SUCLG2: variants seen among roughly 807,000 people sequenced by gnomAD.
The protein encoded by SUCLG2 is succinate-CoA ligase GDP-forming subunit beta, also known as succinate--CoA ligase [GDP-forming] subunit beta, mitochondrial.
In SUCLG2, 42 loss-of-function variants were observed where a neutral mutation model predicts 47.9. That is an observed-to-expected ratio of 0.88 (90% CI 0.69 to 1.14). The LOEUF is 1.14. SUCLG2 is among the 50% of genes most tolerant of loss of function. The pLI, the probability that SUCLG2 is intolerant of heterozygous loss-of-function variation, is 0.00. For missense variants in SUCLG2, 571 were observed against 525.9 expected (o/e 1.09, Z -0.84); for synonymous variants, 195 against 197.3 (o/e 0.99, Z 0.10).
At chr3:67,491,957 C>A (rs1402499892) in intron 9 of SUCLG2, among the ~76,000 whole-genome samples, 1 of 152,152 alleles carries the variant, frequency 6.6e-6, no homozygotes, top group South Asian at 2.1e-4. Context: ...CAAGGTCCCA[C>A]AACCAGTAAC....
At chr3:67,431,624 A>G (rs888688405) in intron 9 of SUCLG2, among the ~76,000 whole-genome samples, 3 of 152,126 alleles carry the variant, frequency 2.0e-5, no homozygotes, top group African/African-American at 7.2e-5. Flanking sequence ...CATTCTCAGC[A>G]AACTATCACA....
chr3:67,395,961 T>C (rs1020259353), intron 10 of SUCLG2, among the ~76,000 whole-genome samples: 4 of 152,178 alleles, frequency 2.6e-5, no homozygotes, highest in Non-Finnish European at 4.4e-5. Context: ...TAAAGATGTT[T>C]TTTGAAACCA....
chr3:67,587,318 A>ACCTGGCCT lies in SUCLG2; in HGVS notation c.226+22136_226+22137insAGGCCAGG, dbSNP rs371633305. The stretch of plus-strand genomic sequence containing the variant: ...GTTTCTAGCCGTCTGATCTACCTGG[A>ACCTGGCCT]GACAAACAAGGCCAAGCTGGCTTGC... On this transcript the variant is annotated intron_variant, in intron 2 of 10. Transcript: ENST00000307227. Among the ~76,000 whole-genome samples, 263 of 152,334 alleles carry ACCTGGCCT rather than the reference A, an allele frequency of 1.7e-3. 2 individuals are homozygous for ACCTGGCCT. In the East Asian group the frequency reaches 0.036, roughly 21 times the overall value.
intron 9 of SUCLG2, among the ~76,000 whole-genome samples, chr3:67,479,380 T>C (rs540508806): frequency 1.3e-5 from 2 of 152,166 alleles, no homozygotes; most frequent in East Asian, 3.9e-4. Context: ...GAGGAAAAAC[T>C]CAGCAAAGAC....
chr3:67,468,136 G>T (rs183074643), intron 9 of SUCLG2, among the ~76,000 whole-genome samples: 3 of 152,090 alleles, frequency 2.0e-5, no homozygotes, highest in African/African-American at 7.2e-5. Context: ...CAAAAAAATC[G>T]AACTCACTCA....
intron 1 of SUCLG2, among the ~76,000 whole-genome samples, chr3:67,620,722 T>C (rs1481014434): frequency 1.3e-5 from 2 of 150,698 alleles, no homozygotes; most frequent in Admixed American, 6.6e-5. Context: ...AGAAAAGAGG[T>C]ATACCTGTGA....
intron 9 of SUCLG2, among the ~76,000 whole-genome samples, chr3:67,447,274 A>G (rs193159620): frequency 1.3e-5 from 2 of 152,360 alleles, no homozygotes; most frequent in East Asian, 3.9e-4. Flanking sequence ...ATTGACTATA[A>G]AGTTGAACCC....
At chr3:67,414,988 G>C (rs1055220438) in intron 9 of SUCLG2, among the ~76,000 whole-genome samples, 42 of 152,248 alleles carry the variant, frequency 2.8e-4, no homozygotes, top group African/African-American at 9.6e-4. Flanking sequence ...GAGAAGCTGT[G>C]ACTACAGGCA....
intron 9 of SUCLG2, among the ~76,000 whole-genome samples, chr3:67,470,597 C>T (rs1308170462): frequency 1.3e-5 from 2 of 152,140 alleles, no homozygotes; most frequent in African/African-American, 2.4e-5. Context: ...ATAAGTTCAG[C>T]CCCCATTTTC....
chr3:67,536,229 C>A (rs1001283987), intron 2 of SUCLG2, among the ~76,000 whole-genome samples: 1 of 152,168 alleles, frequency 6.6e-6, no homozygotes, highest in African/African-American at 2.4e-5. Context: ...TTGGAATGAC[C>A]ATGAAATTTA....
intron 2 of SUCLG2, among the ~76,000 whole-genome samples, chr3:67,587,955 C>G (rs778857870): frequency 1.3e-5 from 2 of 152,144 alleles, no homozygotes; most frequent in Admixed American, 1.3e-4. Context: ...CTAAAACAAA[C>G]CACTTAAAAT....
At chr3:67,651,448 A>G (rs1175209896) in intron 1 of SUCLG2, among the ~76,000 whole-genome samples, 2 of 152,226 alleles carry the variant, frequency 1.3e-5, no homozygotes, top group Admixed American at 1.3e-4. Context: ...TTCATCGCTC[A>G]GGTCTCAGCT....
intron 9 of SUCLG2, among the ~76,000 whole-genome samples, chr3:67,475,833 C>A (rs1704736414): frequency 1.3e-5 from 2 of 151,906 alleles, no homozygotes; most frequent in Non-Finnish European, 1.5e-5. Context: ...GGATTACAGT[C>A]ATCAGCCACC....
At chr3:67,398,361 G>A (rs1002011343) in intron 10 of SUCLG2, among the ~76,000 whole-genome samples, 3 of 151,130 alleles carry the variant, frequency 2.0e-5, no homozygotes, top group African/African-American at 7.3e-5. Context: ...GTGGGTAAAG[G>A]ACATGAACAG....
chr3:67,425,921 T>C (rs984887157), intron 9 of SUCLG2, among the ~76,000 whole-genome samples: 1 of 152,186 alleles, frequency 6.6e-6, no homozygotes, highest in Non-Finnish European at 1.5e-5. Context: ...ACTTGTAAAA[T>C]ATTACTATAA....
rs1702011379 is a variant in SUCLG2 at position 67,375,215 on chromosome 3, C to G, written c.*529G>C. The G allele has an allele frequency of 3.0e-6, 3 of 985,572 alleles. No individual in the cohort carries two copies. Among genetic ancestry groups the G allele is most frequent in the Non-Finnish European group, 3.6e-6 (3 of 829,894 alleles). The allele number at this position is 985,572 out of a possible 1,614,324, so 61.1% of individuals were successfully genotyped here. Reference sequence around the variant, plus strand: ...TCAAACATATGTTAGAATTAGAAACCTGTAAAATCTGCAGTAGTGTGTAAT... The same window carrying G: ...TCAAACATATGTTAGAATTAGAAACGTGTAAAATCTGCAGTAGTGTGTAAT... On this transcript the variant is annotated 3_prime_UTR_variant, in exon 11 of 11. Transcript: ENST00000307227.
At chr3:67,512,643 AC>A (rs1575745820) in intron 6 of SUCLG2, among the ~76,000 whole-genome samples, 1 of 151,194 alleles carries the variant, frequency 6.6e-6, no homozygotes, top group East Asian at 1.9e-4. Flanking sequence ...AATATACAAA[AC>A]ATAAAATTCA....
chr3:67,422,769 T>C (rs1413274944), intron 9 of SUCLG2, among the ~76,000 whole-genome samples: 1 of 152,140 alleles, frequency 6.6e-6, no homozygotes, highest in Non-Finnish European at 1.5e-5. Context: ...CTGTGGACTT[T>C]TTATTGTCTG....
intron 9 of SUCLG2, among the ~76,000 whole-genome samples, chr3:67,403,095 C>T (rs770149606): frequency 3.3e-5 from 5 of 152,050 alleles, no homozygotes; most frequent in African/African-American, 1.2e-4. Context: ...TAATTAGAGT[C>T]CGATGTTAAA....
Sources: gnomAD v4.1 joint callset for allele counts (sites outside exome capture counted in the v4.1 genomes callset) on GRCh38, gnomAD v4.1.1 for gene constraint, MANE v1.5 for transcripts, NCBI Gene and HGNC (gene_info 2026-07-23, HGNC 2026-07-21) for gene names.